Variants in CORO7 observed in about 807,000 individuals in gnomAD.
CORO7 encodes coronin 7, also known as coronin-7.
CORO7 carries 107 observed loss-of-function variants against 126.6 expected under a neutral mutation model. That is an observed-to-expected ratio of 0.85 (90% CI 0.72 to 0.99). The LOEUF (loss-of-function observed/expected upper bound fraction) is 0.99, where lower values mean the gene tolerates loss of function less well. Ranked by LOEUF, CORO7 falls within the 50% of genes least tolerant of loss-of-function variation. The pLI, the probability that CORO7 is intolerant of heterozygous loss-of-function variation, is 0.00. For synonymous variants in CORO7, 603 were observed against 536.8 expected, an observed-to-expected ratio of 1.12 and a Z score of -1.70; for missense variants, 1,314 against 1,255.8, an observed-to-expected ratio of 1.05 and a Z score of -0.70.
intron 9 of CORO7, among the ~76,000 whole-genome samples, chr16:4,373,011 G>C (rs1026562611): frequency 2.0e-5 from 3 of 152,168 alleles, no homozygotes; most frequent in African/African-American, 7.2e-5. Context: ...CTGTACTTTG[G>C]GTGTTGAGGG....
chr16:4,355,452 A>C, intron 26 of CORO7, 80 bp from the exon 27 acceptor site: 1 of 1,430,044 alleles, frequency 7.0e-7, no homozygotes, highest in Non-Finnish European at 9.4e-7. Flanking sequence ...CAACCCTGAC[A>C]AGGCTGTGAA....
chr16:4,357,374 T>G, intron 25 of CORO7, 115 bp from the exon 26 acceptor site: 2 of 959,296 alleles, frequency 2.1e-6, no homozygotes, highest in Non-Finnish European at 2.9e-6. Flanking sequence ...TTTTTTTTTT[T>G]GAGATGGAGT....
intron 1 of CORO7, among the ~76,000 whole-genome samples, chr16:4,416,159 G>C (rs938479445): frequency 8.5e-5 from 13 of 152,124 alleles, no homozygotes; most frequent in African/African-American, 2.9e-4. Context: ...GGCCTCGCAG[G>C]CCTGGGCCCC....
intron 2 of CORO7, 145 bp from the exon 3 acceptor site, chr16:4,412,575 G>A (rs576186456): frequency 2.3e-5 from 18 of 774,824 alleles, no homozygotes; most frequent in African/African-American, 1.7e-4. Flanking sequence ...TCCTCTGCAC[G>A]TAGCAATGGC....
At chr16:4,383,995 T>A (rs1223733252) in intron 9 of CORO7, among the ~76,000 whole-genome samples, 1 of 152,180 alleles carries the variant, frequency 6.6e-6, no homozygotes, top group Non-Finnish European at 1.5e-5. Context: ...GCGGTTTGCA[T>A]GGCCCCAGCC....
intron 9 of CORO7, among the ~76,000 whole-genome samples, chr16:4,378,310 G>A (rs769383638): frequency 6.6e-6 from 1 of 151,842 alleles, no homozygotes; most frequent in Non-Finnish European, 1.5e-5. Flanking sequence ...GACCTTAAAC[G>A]AGGCCCAAGG....
rs1387889949 is a variant in CORO7, at chr16:4,364,189, A to G, written c.1275+87T>C. 2.6e-5 allele frequency: 37 copies of G among 1,399,526 alleles called. No homozygotes were observed. The South Asian group carries it at 5.2e-4, about 20-fold the overall frequency. 86.7% of individuals were successfully genotyped at this position (1,399,526 alleles called of 1,614,324 possible). A position where few individuals can be genotyped will look rare whatever the true frequency, so the allele number is the denominator to read the frequency against. On this transcript the variant is annotated intron_variant, in intron 14 of 27. Coordinates refer to ENST00000251166, the MANE Select transcript of CORO7 (RefSeq NM_024535.5). ...TGACAGAGTGAGACACTGTCTCAAA[A>G]AAAAAAAAAGGCCGTTCAGCCGGTG...
chr16:4,381,667 G>A, intron 9 of CORO7: 4 of 1,605,052 alleles, frequency 2.5e-6, no homozygotes, highest in Non-Finnish European at 3.4e-6. Context: ...GGCCGGCCTG[G>A]CTGCCCTGCA....
At chr16:4,358,711 CTACG>C (rs1337347252) in intron 23 of CORO7, 3 of 432,870 alleles carry the variant, frequency 6.9e-6, no homozygotes. Flanking sequence ...TGGGCAGCTT[CTACG>C]TGCCACCTCC....
intron 2 of CORO7, among the ~76,000 whole-genome samples, 160 bp downstream of exon 2, chr16:4,413,148 T>TG (rs2056275447): frequency 1.3e-5 from 2 of 152,118 alleles, no homozygotes; most frequent in South Asian, 4.1e-4. Context: ...GACCAGTTTG[T>TG]GGGGGTCTAA....
intron 14 of CORO7, 143 bp downstream of exon 14, chr16:4,364,133 C>A: frequency 8.5e-7 from 1 of 1,171,368 alleles, no homozygotes. Context: ...TTGCAGTGAG[C>A]CGAGGTTGCG....
At chr16:4,398,759 G>A (rs1596327355) in intron 6 of CORO7, among the ~76,000 whole-genome samples, 1 of 151,486 alleles carries the variant, frequency 6.6e-6, no homozygotes, top group South Asian at 2.1e-4. Flanking sequence ...CACAAGGTCA[G>A]GAGTTCAAGA....
chr16:4,388,104 T>G lies in CORO7; in HGVS notation c.703-36A>C, dbSNP rs758662945. 53 of 1,593,328 alleles carry G rather than the reference T, an allele frequency of 3.3e-5. No individual in the cohort carries two copies. The Middle Eastern group carries it at 5.1e-4, about 15-fold the overall frequency. ...GGCGAGAGAGGGGCTCAGAGGGGCC[T>G]GTCCCTCAGCCCCACCCGGGGGGCT... On this transcript the variant is annotated intron_variant, in intron 8 of 27. Coordinates refer to ENST00000251166, the MANE Select transcript of CORO7 (RefSeq NM_024535.5).
At chr16:4,381,675 G>A in intron 9 of CORO7, 1 of 1,606,482 alleles carries the variant, frequency 6.2e-7, no homozygotes, top group Non-Finnish European at 8.5e-7. Flanking sequence ...TGGCTGCCCT[G>A]CAGGAGCTGG....
chr16:4,384,323 G>A (rs1217053155), intron 9 of CORO7, among the ~76,000 whole-genome samples: 1 of 152,254 alleles, frequency 6.6e-6, no homozygotes, highest in African/African-American at 2.4e-5. Flanking sequence ...TGCATGCTGA[G>A]GTGGGGGCAG....
chr16:4,382,752 G>A lies in CORO7; in HGVS notation c.785+5234C>T, dbSNP rs555503563. ...CAGGGGCTGGGCCCCTGGAACTGGA[G>A]GGAGTGAAGGTCCCCTTGGAGCCAG... On this transcript the variant is annotated intron_variant, in intron 9 of 27. Coordinates refer to ENST00000251166, the MANE Select transcript of CORO7 (RefSeq NM_024535.5). The A allele has an allele frequency of 9.0e-6, 14 of 1,559,724 alleles. No individual in the cohort carries two copies. In the South Asian group the frequency reaches 1.3e-4, roughly 14 times the overall value.
intron 9 of CORO7, among the ~76,000 whole-genome samples, chr16:4,367,005 T>C (rs1326252449): frequency 6.6e-6 from 1 of 152,086 alleles, no homozygotes; most frequent in African/African-American, 2.4e-5. Context: ...CCAGCCGCCC[T>C]CCACTGTCCA....
chr16:4,406,970 C>T (rs1245534218), intron 5 of CORO7, among the ~76,000 whole-genome samples: 1 of 144,080 alleles, frequency 6.9e-6, no homozygotes, highest in Non-Finnish European at 1.5e-5. Context: ...TTTTTTGAGA[C>T]GGCATCTCAC....
rs751237845 is a variant in CORO7 at position 4,361,966 on chromosome 16, G to C, written c.1578+19C>G. 5 of 1,589,222 alleles carry C rather than the reference G, an allele frequency of 3.1e-6. No homozygotes were observed. The highest frequency in any genetic ancestry group is 3.3e-4 in the Middle Eastern group (2 of 6,056). ...AGGCAGGGAACTGAGGGGCAGCCCTGGTGGGGTGGGGCCCTCACCTCAAGC... is the reference window on the plus strand; with the variant it reads ...AGGCAGGGAACTGAGGGGCAGCCCTCGTGGGGTGGGGCCCTCACCTCAAGC... On this transcript the variant is annotated intron_variant, in intron 16 of 27. Transcript: ENST00000251166.
Sources: allele counts gnomAD v4.1 joint callset (sites outside exome capture counted in the v4.1 genomes callset), GRCh38; gene constraint gnomAD v4.1.1; transcripts MANE v1.5; gene names NCBI Gene and HGNC (gene_info 2026-07-23, HGNC 2026-07-21).